The following RPTOR variants were observed in gnomAD, a reference collection of about 807,000 sequenced individuals.
RPTOR encodes regulatory associated protein of MTOR complex 1.
Under a neutral mutation model 169.9 loss-of-function variants are expected in RPTOR, and 21 were observed. The ratio of observed to expected loss-of-function variants is 0.12; its 90% CI spans 0.09 to 0.18. RPTOR has a LOEUF of 0.18. Among genes scored for constraint, RPTOR ranks in the 10% least tolerant of loss-of-function variants. The pLI is 1.00. For synonymous variants in RPTOR, 732 were observed against 753.2 expected (o/e 0.97, Z 0.46); for missense variants, 1,133 against 1,855.9 (o/e 0.61, Z 7.16).
In RPTOR at chr17:80,936,505, A is replaced by T. The variant is rs934877757; in HGVS notation, c.2920-3991A>T. Among the ~76,000 whole-genome samples, 3 of 152,236 alleles carry T rather than the reference A, an allele frequency of 2.0e-5. No homozygotes were observed. The highest frequency in any genetic ancestry group is 1.5e-5 in the Non-Finnish European group (1 of 68,038). ...GATACAACCATACAATGAAAGACTC[A>T]TCAGAACAATATTTAAATAAACTAT... On this transcript the variant is annotated intron_variant, in intron 24 of 33. Coordinates refer to ENST00000306801, the MANE Select transcript of RPTOR (RefSeq NM_020761.3). The surrounding 1 kb of genome is among the most constrained non-coding windows in gnomAD (Gnocchi z 4.1).
At chr17:80,635,196 A>G (rs1046268182) in intron 2 of RPTOR, among the ~76,000 whole-genome samples, 3 of 152,078 alleles carry the variant, frequency 2.0e-5, no homozygotes, top group South Asian at 4.2e-4. Context: ...TTTCACCCCA[A>G]TATCTGCCTT....
intron 4 of RPTOR, among the ~76,000 whole-genome samples, chr17:80,710,894 C>T (rs1007250804): frequency 1.3e-5 from 2 of 152,132 alleles, no homozygotes; most frequent in African/African-American, 4.8e-5. Flanking sequence ...AATGTTCCTT[C>T]TTTGTATATA....
At chr17:80,700,393 A>AGTGGTGGTGATGGTGGTGGTG in intron 3 of RPTOR, among the ~76,000 whole-genome samples, 1 of 130,964 alleles carries the variant, frequency 7.6e-6, no homozygotes, top group East Asian at 2.4e-4. Flanking sequence ...TGATGGTGGT[A>AGTGGTGGTGATGGTGGTGGTG]GTGGTGGTGA....
At chr17:80,843,938 A>G (rs1012664034) in intron 10 of RPTOR, among the ~76,000 whole-genome samples, 4 of 152,166 alleles carry the variant, frequency 2.6e-5, no homozygotes, top group African/African-American at 9.7e-5. Context: ...TGGCATCCAA[A>G]TCGCCCTGGG....
chr17:80,807,981 C>G (rs2067236347), intron 7 of RPTOR, among the ~76,000 whole-genome samples: 1 of 152,166 alleles, frequency 6.6e-6, no homozygotes, highest in Non-Finnish European at 1.5e-5. Context: ...GCTTTAGAAA[C>G]TATAACGTGC....
At chr17:80,955,601 G>A (rs556208831) in intron 28 of RPTOR, among the ~76,000 whole-genome samples, 3 of 152,206 alleles carry the variant, frequency 2.0e-5, no homozygotes, top group Admixed American at 1.3e-4. Flanking sequence ...TGTAATGTAA[G>A]TGGCAGAATA....
rs1057212517 is a variant in RPTOR at position 80,633,675 on chromosome 17, T to G, written c.265+7882T>G. Among the ~76,000 whole-genome samples, 1 of 152,226 alleles carries G rather than the reference T, an allele frequency of 6.6e-6. No homozygotes were observed. The highest frequency in any genetic ancestry group is 1.5e-5 in the Non-Finnish European group (1 of 68,040). On this transcript the variant is annotated intron_variant, in intron 2 of 33. Transcript: ENST00000306801. The surrounding 1 kb of genome is among the most constrained non-coding windows in gnomAD (Gnocchi z 4.1). ...CTGGACCTCATGTGAAATTCCCCTT[T>G]GTAGTTGATAGGTATTTTCGGGAAG...
intron 28 of RPTOR, among the ~76,000 whole-genome samples, chr17:80,956,886 G>A (rs1483696804): frequency 7.2e-5 from 11 of 151,972 alleles, no homozygotes; most frequent in African/African-American, 2.2e-4. Context: ...GCTCTGCTCC[G>A]AACAGTGGGC....
At chr17:80,556,957 A>T (rs1849411668) in intron 1 of RPTOR, among the ~76,000 whole-genome samples, 1 of 152,082 alleles carries the variant, frequency 6.6e-6, no homozygotes, top group South Asian at 2.1e-4. Flanking sequence ...TGAGCCGGGC[A>T]TGGTGGCGGG....
chr17:80,913,340 A>G (rs950858176), intron 21 of RPTOR, among the ~76,000 whole-genome samples: 14 of 152,188 alleles, frequency 9.2e-5, no homozygotes, highest in Admixed American at 4.6e-4. Context: ...ACAGCTCCAG[A>G]GCTGTGGTCT....
intron 21 of RPTOR, among the ~76,000 whole-genome samples, chr17:80,922,044 A>G (rs2068751496): frequency 6.6e-6 from 1 of 152,168 alleles, no homozygotes; most frequent in Admixed American, 6.5e-5. Flanking sequence ...AGAGAGCCCA[A>G]GCCCCCTGCA....
chr17:80,627,995 C>T (rs1012567693), intron 2 of RPTOR, among the ~76,000 whole-genome samples: 5 of 152,004 alleles, frequency 3.3e-5, no homozygotes, highest in African/African-American at 1.2e-4. Flanking sequence ...TGCGCCTCCA[C>T]GCCTGGCTAA....
In RPTOR at chr17:80,604,917, CT is replaced by C. The variant is rs60893106; in HGVS notation, c.163-20763del. Among the ~76,000 whole-genome samples the C allele has an allele frequency of 8.1e-3, 1,188 of 146,250 alleles. 11 individuals carry two copies. Among genetic ancestry groups the C allele is most frequent in the Non-Finnish European group, 0.013 (824 of 65,782 alleles). On this transcript the variant is annotated intron_variant, in intron 1 of 33. Coordinates refer to ENST00000306801, the MANE Select transcript of RPTOR (RefSeq NM_020761.3). ...ATGAGAACACAGAGCCAAGTCATATCTTTTTTTTTTTCCCCTTTTTTTTTTG... is the reference window on the plus strand; with the variant it reads ...ATGAGAACACAGAGCCAAGTCATATCTTTTTTTTTTCCCCTTTTTTTTTTG...
chr17:80,965,704 G>T lies in RPTOR; in HGVS notation c.*1374G>T. 4.3e-6 allele frequency: 1 copy of T among 233,366 alleles called. No individual in the cohort carries two copies. Among genetic ancestry groups the T allele is most frequent in the Non-Finnish European group, 8.5e-6 (1 of 118,108 alleles). The allele number at this position is 233,366 out of a possible 1,614,324, so 14.5% of individuals were successfully genotyped here. A position where few individuals can be genotyped will look rare whatever the true frequency, so the allele number is the denominator to read the frequency against. On this transcript the variant is annotated 3_prime_UTR_variant, in exon 34 of 34. Coordinates refer to ENST00000306801, the MANE Select transcript of RPTOR (RefSeq NM_020761.3). ...CGTGGCCAAGAGCATCTTCTGGGTG[G>T]ATGGAACCCTGCCTGGTCACATTTG...
chr17:80,840,162 C>T (rs762495479), intron 10 of RPTOR, among the ~76,000 whole-genome samples: 9 of 152,194 alleles, frequency 5.9e-5, no homozygotes, highest in Non-Finnish European at 1.0e-4. Context: ...CCTCTTAGCT[C>T]CTCCCTTCCC....
intron 1 of RPTOR, among the ~76,000 whole-genome samples, chr17:80,586,699 C>G (rs2065063362): frequency 6.6e-6 from 1 of 152,156 alleles, no homozygotes; most frequent in African/African-American, 2.4e-5. Flanking sequence ...CCTGTCCTGC[C>G]CATCACGGTC....
intron 3 of RPTOR, among the ~76,000 whole-genome samples, chr17:80,694,463 A>G (rs1054293362): frequency 2.0e-5 from 3 of 152,148 alleles, no homozygotes; most frequent in African/African-American, 4.8e-5. Flanking sequence ...AGTGTCTTCC[A>G]TATGTGGGGC....
intron 1 of RPTOR, among the ~76,000 whole-genome samples, chr17:80,596,269 T>G (rs2065144204): frequency 1.3e-5 from 2 of 152,248 alleles, no homozygotes; most frequent in Non-Finnish European, 2.9e-5. Flanking sequence ...TCAACCCTTT[T>G]AAATGTTAGA....
At chr17:80,632,324 G>A (rs2065448308) in intron 2 of RPTOR, among the ~76,000 whole-genome samples, 1 of 152,230 alleles carries the variant, frequency 6.6e-6, no homozygotes, top group African/African-American at 2.4e-5. Context: ...CCCTGTGTGT[G>A]CTCCGGGGAC....
Sources: allele counts gnomAD v4.1 joint callset (sites outside exome capture counted in the v4.1 genomes callset), GRCh38; gene constraint gnomAD v4.1.1; non-coding constraint Gnocchi (gnomAD v3.1); transcripts MANE v1.5; gene names NCBI Gene and HGNC (gene_info 2026-07-23, HGNC 2026-07-21).